Variants in TIA1 observed in about 807,000 individuals in gnomAD.
TIA1 encodes the protein TIA1 cytotoxic granule associated RNA binding protein.
A neutral mutation model predicts 65.9 loss-of-function variants in TIA1; 23 were observed. The observed-to-expected ratio is 0.35, with a 90% CI of 0.25 to 0.49. The LOEUF (loss-of-function observed/expected upper bound fraction) is 0.49, where lower values mean the gene tolerates loss of function less well. Among genes scored for constraint, TIA1 ranks in the 20% least tolerant of loss-of-function variants. The pLI, the probability that TIA1 is intolerant of heterozygous loss-of-function variation, is 0.98. For synonymous variants in TIA1, 147 were observed against 149.4 expected (o/e 0.98, Z 0.12); for missense variants, 371 against 477.9 (o/e 0.78, Z 2.09).
chr2:70,213,345 CT>C (rs746531756), intron 12 of TIA1, among the ~76,000 whole-genome samples: 1,528 of 137,082 alleles, frequency 0.011, 11 homozygotes, highest in African/African-American at 0.024. Flanking sequence ...CTTTTCTTTT[CT>C]TTTTTTTTTT....
chr2:70,248,635 G>A (rs902226325), upstream of TIA1: 5 of 671,364 alleles, frequency 7.4e-6, no homozygotes, highest in Admixed American at 2.8e-5. Context: ...CGGCGAGCCG[G>A]GAGCCTAGGA....
At chr2:70,233,382 A>C (rs1687374005) in intron 2 of TIA1, among the ~76,000 whole-genome samples, 1 of 152,240 alleles carries the variant, frequency 6.6e-6, no homozygotes. Flanking sequence ...AAATTAGAGA[A>C]TAAAAATGTT....
intron 7 of TIA1, among the ~76,000 whole-genome samples, chr2:70,217,368 C>T (rs1226854759): frequency 6.6e-6 from 1 of 150,680 alleles, no homozygotes; most frequent in African/African-American, 2.4e-5. Context: ...GATGGGGTTT[C>T]GCCATATTGG....
In TIA1 at chr2:70,244,330, T is replaced by C. The variant is rs190168792; in HGVS notation, c.26+4075A>G. On this transcript the variant is annotated intron_variant, in intron 1 of 12. Transcript: ENST00000433529. ...CTGCATTATGTTTCTCCATAGCACT[T>C]ATTACCATCTAACATAATTACTTAT... is the stretch of plus-strand genomic sequence containing the variant. Among the ~76,000 whole-genome samples, 336 of 152,324 alleles carry C rather than the reference T, an allele frequency of 2.2e-3. 1 individual carries two copies. The highest frequency in any genetic ancestry group is 6.7e-3 in the African/African-American group (278 of 41,568).
intron 7 of TIA1, among the ~76,000 whole-genome samples, chr2:70,222,951 G>C (rs1682177905): frequency 6.6e-6 from 1 of 152,160 alleles, no homozygotes; most frequent in South Asian, 2.1e-4. Flanking sequence ...AGTTACATCT[G>C]TTTTATAATG....
chr2:70,215,981 C>CCCG, intron 10 of TIA1: 1 of 486,222 alleles, frequency 2.1e-6, no homozygotes, highest in Non-Finnish European at 3.6e-6. Flanking sequence ...GTCTCAAACT[C>CCCG]ATGACGGTGA....
intron 1 of TIA1, among the ~76,000 whole-genome samples, chr2:70,241,490 A>C (rs1156396041): frequency 1.3e-5 from 2 of 152,188 alleles, no homozygotes; most frequent in Non-Finnish European, 2.9e-5. Context: ...GTTTTACATG[A>C]CTATGAATTC....
rs1195495028 is a variant in TIA1, at chr2:70,236,321, C to G, written c.27-146G>C. ...TCAAGTGATTCCCCTGCCTCAGCCTCCCCGAGTAGCTGGGATTACAGGCAT... is the reference window on the plus strand; with the variant it reads ...TCAAGTGATTCCCCTGCCTCAGCCTGCCCGAGTAGCTGGGATTACAGGCAT... On this transcript the variant is annotated intron_variant, in intron 1 of 12. Transcript: ENST00000433529. 9.5e-6 allele frequency: 5 copies of G among 527,184 alleles called. No individual in the cohort carries two copies. The Admixed American group carries it at 1.0e-4, about 11-fold the overall frequency. The allele number at this position is 527,184 out of a possible 1,614,324, so 32.7% of individuals were successfully genotyped here.
chr2:70,245,812 A>C (rs138254461), intron 1 of TIA1, among the ~76,000 whole-genome samples: 9 of 152,222 alleles, frequency 5.9e-5, no homozygotes, highest in African/African-American at 2.2e-4. Flanking sequence ...AAATGAAGGA[A>C]TTTCCAGTGA....
intron 2 of TIA1, among the ~76,000 whole-genome samples, chr2:70,235,538 A>ATGTGTGTG (rs1558904016): frequency 2.2e-5 from 2 of 90,880 alleles, no homozygotes; most frequent in South Asian, 3.2e-4. Context: ...AATTAGATGA[A>ATGTGTGTG]TGAGTGTGTG....
At chr2:70,228,793 G>T in intron 5 of TIA1, 3 of 1,362,574 alleles carry the variant, frequency 2.2e-6, no homozygotes, top group Non-Finnish European at 2.8e-6. Context: ...CCTCAAGAAA[G>T]GAGGGTATTT....
chr2:70,233,300 T>G (rs906064877), intron 2 of TIA1, among the ~76,000 whole-genome samples: 4 of 152,196 alleles, frequency 2.6e-5, no homozygotes, highest in African/African-American at 9.7e-5. Context: ...TCACTGGCAA[T>G]GACTTGTAAA....
At chr2:70,243,583 G>C (rs1285304152) in intron 1 of TIA1, among the ~76,000 whole-genome samples, 1 of 152,064 alleles carries the variant, frequency 6.6e-6, no homozygotes, top group Non-Finnish European at 1.5e-5. Flanking sequence ...TACTAGTTGG[G>C]ACCTCCTTCA....
chr2:70,215,555 C>T (rs1490627754), intron 10 of TIA1, 61 bp from the exon 11 acceptor site: 12 of 1,463,372 alleles, frequency 8.2e-6, no homozygotes, highest in Non-Finnish European at 1.0e-5. Context: ...ATGAATAAAA[C>T]CTATTTTTAA....
intron 12 of TIA1, among the ~76,000 whole-genome samples, chr2:70,214,115 A>G (rs1455659799): frequency 6.6e-6 from 1 of 152,228 alleles, no homozygotes; most frequent in Non-Finnish European, 1.5e-5. Context: ...TACAACAACT[A>G]GCATCAAACT....
At chr2:70,221,501 GA>G (rs1357072773) in intron 7 of TIA1, among the ~76,000 whole-genome samples, 2 of 151,970 alleles carry the variant, frequency 1.3e-5, no homozygotes, top group Non-Finnish European at 2.9e-5. Context: ...AGGTTGATGA[GA>G]ATGATCCAGT....
rs376036627 is a variant in TIA1, at chr2:70,220,991, T to C, written c.474+3563A>G. Among the ~76,000 whole-genome samples the C allele has an allele frequency of 2.9e-4, 44 of 151,500 alleles. No individual in the cohort carries two copies. The East Asian group carries it at 2.9e-3, about 10-fold the overall frequency. ...GGCCAGACTGGGCAACAAAGTGAGA[T>C]TGTTCCTACAAAAAAATATATATAT... On this transcript the variant is annotated intron_variant, in intron 7 of 12. Transcript: ENST00000433529.
At position 70,209,545 on chromosome 2, in the gene TIA1, G is replaced by A; in HGVS notation, c.*3174C>T. On this transcript the variant is annotated 3_prime_UTR_variant, in exon 13 of 13. Transcript: ENST00000433529. ...CTAAACACAACAGTCAAAATGCAGT[G>A]ACTGTAATGAAATGTAATAACCTCC... is the stretch of plus-strand genomic sequence containing the variant. 1 of 398,196 alleles carries A rather than the reference G, an allele frequency of 2.5e-6. No individual in the cohort carries two copies. The highest frequency in any genetic ancestry group is 4.4e-6 in the Non-Finnish European group (1 of 225,928). 24.7% of individuals were successfully genotyped at this position (398,196 alleles called of 1,614,324 possible). A position where few individuals can be genotyped will look rare whatever the true frequency, so the allele number is the denominator to read the frequency against.
intron 7 of TIA1, 25 bp from the exon 8 acceptor site, chr2:70,217,019 A>T (rs1175499772): frequency 6.3e-7 from 1 of 1,588,298 alleles, no homozygotes; most frequent in Admixed American, 1.8e-5. Context: ...ATTAGAAACA[A>T]TAAAGAAGTC....
Sources: allele counts gnomAD v4.1 joint callset (sites outside exome capture counted in the v4.1 genomes callset), GRCh38; gene constraint gnomAD v4.1.1; transcripts MANE v1.5; gene names NCBI Gene and HGNC (gene_info 2026-07-23, HGNC 2026-07-21).